Variants in HNRNPC observed in about 807,000 individuals in gnomAD.
The protein encoded by HNRNPC is heterogeneous nuclear ribonucleoprotein C.
A neutral mutation model predicts 33.2 loss-of-function variants in HNRNPC; 3 were observed. That is an observed-to-expected ratio of 0.09 (90% confidence interval 0.04 to 0.23). HNRNPC has a LOEUF of 0.23. Among genes scored for constraint, HNRNPC ranks in the 10% least tolerant of loss-of-function variants. HNRNPC has a pLI of 1.00. For synonymous variants in HNRNPC, 121 were observed against 126.7 expected, an observed-to-expected ratio of 0.96 and a Z score of 0.30; for missense variants, 143 against 366.7, an observed-to-expected ratio of 0.39 and a Z score of 4.98.
At chr14:21,218,352 A>C (rs1892432350) in intron 5 of HNRNPC, among the ~76,000 whole-genome samples, 1 of 152,082 alleles carries the variant, frequency 6.6e-6, no homozygotes, top group Non-Finnish European at 1.5e-5. Context: ...CAAAGATAAA[A>C]TTTTAAACTG....
At chr14:21,268,141 G>T (rs946504202) in intron 1 of HNRNPC, among the ~76,000 whole-genome samples, 1 of 152,144 alleles carries the variant, frequency 6.6e-6, no homozygotes, top group African/African-American at 2.4e-5. Context: ...CGATGTCCCA[G>T]ATAAGTCAAT....
intron 2 of HNRNPC, among the ~76,000 whole-genome samples, chr14:21,256,636 A>G (rs1354840443): frequency 6.6e-6 from 1 of 151,944 alleles, no homozygotes; most frequent in East Asian, 1.9e-4. Context: ...TATTTTGAAG[A>G]GCTGACAGCA....
intron 2 of HNRNPC, among the ~76,000 whole-genome samples, chr14:21,253,997 G>C (rs960576548): frequency 6.6e-6 from 1 of 150,518 alleles, no homozygotes; most frequent in Non-Finnish European, 1.5e-5. Context: ...GAACCCGGGA[G>C]AGGGAGCTTG....
In HNRNPC at chr14:21,259,833, CAGG is replaced by C. The variant is rs1203917554; in HGVS notation, c.-37+3475_-37+3477del. ...GACATTCCTAAAAATTAAAATCTTC[CAGG>C]AGTTTTTGAGACCAGCCTGGGAAAC... On this transcript the variant is annotated intron_variant, in intron 2 of 8. Coordinates refer to ENST00000553300, the MANE Select transcript of HNRNPC (RefSeq NM_004500.4). 2.7e-5 allele frequency among the ~76,000 whole-genome samples: 4 copies of C among 147,534 alleles called. No individual in the cohort carries two copies. In the Admixed American group the frequency reaches 2.7e-4, roughly 10 times the overall value.
intron 2 of HNRNPC, among the ~76,000 whole-genome samples, chr14:21,243,123 AGT>A (rs1895553148): frequency 6.6e-6 from 1 of 152,180 alleles, no homozygotes; most frequent in East Asian, 1.9e-4. Context: ...GGGGGTGGGC[AGT>A]GTGTGAATTC....
At chr14:21,239,430 G>T (rs957157818) in intron 2 of HNRNPC, among the ~76,000 whole-genome samples, 2 of 152,010 alleles carry the variant, frequency 1.3e-5, no homozygotes, top group Non-Finnish European at 2.9e-5. Context: ...AGTCAGCGGA[G>T]ATAGCGCCAC....
intron 2 of HNRNPC, among the ~76,000 whole-genome samples, chr14:21,242,287 A>G (rs1594275740): frequency 6.6e-6 from 1 of 152,230 alleles, no homozygotes; most frequent in East Asian, 1.9e-4. Context: ...GGTGGAGACC[A>G]AACTGGTCAA....
intron 2 of HNRNPC, among the ~76,000 whole-genome samples, chr14:21,239,125 AAAAC>A (rs950409096): frequency 2.0e-5 from 3 of 152,170 alleles, no homozygotes; most frequent in African/African-American, 4.8e-5. Context: ...CACTGTCTCA[AAAAC>A]AAACAAACAT....
chr14:21,235,572 C>A (rs965875085), intron 2 of HNRNPC, among the ~76,000 whole-genome samples: 1 of 152,134 alleles, frequency 6.6e-6, no homozygotes, highest in Admixed American at 6.5e-5. Flanking sequence ...TATATCTTTA[C>A]AAAAACTTCT....
intron 5 of HNRNPC, among the ~76,000 whole-genome samples, chr14:21,218,313 T>C (rs535629594): frequency 1.3e-5 from 2 of 152,200 alleles, no homozygotes; most frequent in African/African-American, 2.4e-5. Context: ...ACAATACACA[T>C]ACTCCCATAT....
intron 5 of HNRNPC, among the ~76,000 whole-genome samples, chr14:21,223,813 G>GT: frequency 6.6e-6 from 1 of 152,188 alleles, no homozygotes; most frequent in Admixed American, 6.5e-5. Context: ...ACTAATCTAT[G>GT]TCACCATCTA....
intron 5 of HNRNPC, among the ~76,000 whole-genome samples, chr14:21,228,542 C>T (rs1039222903): frequency 6.6e-6 from 1 of 152,010 alleles, no homozygotes; most frequent in Non-Finnish European, 1.5e-5. Flanking sequence ...CAGGCGCGTG[C>T]CACCACGCCC....
At chr14:21,235,655 T>C (rs1894621457) in intron 2 of HNRNPC, among the ~76,000 whole-genome samples, 1 of 152,190 alleles carries the variant, frequency 6.6e-6, no homozygotes, top group Non-Finnish European at 1.5e-5. Context: ...CTTTCAGCTA[T>C]TAAGTATGCC....
intron 5 of HNRNPC, among the ~76,000 whole-genome samples, chr14:21,215,631 A>G (rs914587790): frequency 6.6e-5 from 10 of 152,170 alleles, no homozygotes; most frequent in African/African-American, 2.4e-4. Context: ...CCAGGTGTGG[A>G]GGCTCATGCC....
At chr14:21,220,327 C>A (rs1002040582) in intron 5 of HNRNPC, among the ~76,000 whole-genome samples, 1 of 151,872 alleles carries the variant, frequency 6.6e-6, no homozygotes, top group African/African-American at 2.4e-5. Flanking sequence ...TAACCTCCAC[C>A]TCCTGCATTC....
chr14:21,230,709 A>C, intron 4 of HNRNPC: 1 of 487,548 alleles, frequency 2.1e-6, no homozygotes, highest in Non-Finnish European at 3.6e-6. Context: ...ACGATCCTGT[A>C]TAAGTATTTC....
At chr14:21,218,708 A>AAAAAC (rs1555351295) in intron 5 of HNRNPC, among the ~76,000 whole-genome samples, 6 of 142,512 alleles carry the variant, frequency 4.2e-5, no homozygotes, top group Non-Finnish European at 6.2e-5. Flanking sequence ...AAAAAAAAAA[A>AAAAAC]CTGAAATTGA....
At chr14:21,228,644 G>A (rs1022805678) in intron 5 of HNRNPC, among the ~76,000 whole-genome samples, 13 of 151,868 alleles carry the variant, frequency 8.6e-5, no homozygotes, top group Non-Finnish European at 1.3e-4. Context: ...CACCTGCCTT[G>A]GCCTCACAAA....
At position 21,252,444 on chromosome 14, in the gene HNRNPC, G is replaced by A. The variant is rs148495928; in HGVS notation, c.-37+10867C>T. On this transcript the variant is annotated intron_variant, in intron 2 of 8. Transcript: ENST00000553300. ...TTCTGCCTCAGACTTCCAAGTAGCT[G>A]GGATTACACACATGCACTGCCCTAC... 1.0e-2 allele frequency among the ~76,000 whole-genome samples: 1,522 copies of A among 152,232 alleles called. 12 individuals are homozygous for A. The highest frequency in any genetic ancestry group is 0.019 in the Admixed American group (293 of 15,284).
Sources: gnomAD v4.1 joint callset for allele counts (sites outside exome capture counted in the v4.1 genomes callset) on GRCh38, gnomAD v4.1.1 for gene constraint, MANE v1.5 for transcripts, NCBI Gene and HGNC (gene_info 2026-07-23, HGNC 2026-07-21) for gene names.